TENM3: variants seen among roughly 807,000 people sequenced by gnomAD.
TENM3 encodes teneurin transmembrane protein 3.
A neutral mutation model predicts 255.1 loss-of-function variants in TENM3; 63 were observed. The ratio of observed to expected loss-of-function variants is 0.25; its 90% CI spans 0.20 to 0.30. TENM3 has a LOEUF of 0.30. Among genes scored for constraint, TENM3 ranks in the 10% least tolerant of loss-of-function variants. TENM3 has a pLI of 1.00. For missense variants in TENM3, 2,929 were observed against 3,461.1 expected (o/e 0.85, Z 3.86); for synonymous variants, 1,306 against 1,322.3 (o/e 0.99, Z 0.27).
chr4:182,489,723 G>A (rs1735097225), intron 3 of TENM3, among the ~76,000 whole-genome samples: 1 of 151,866 alleles, frequency 6.6e-6, no homozygotes, highest in Non-Finnish European at 1.5e-5. Flanking sequence ...GCAAAACATT[G>A]CCTATTTCTT....
At position 182,270,662 on chromosome 4, in the gene TENM3, G is replaced by C. The variant is rs561352018; in HGVS notation, c.-76+27186G>C. On this transcript the variant is annotated intron_variant, in intron 1 of 27. Transcript: ENST00000511685. ...GGTTTACAAAATAAAGAAAGAAAGA[G>C]CATGGGGGACCAAGATAGAAGGACA... Among the ~76,000 whole-genome samples the C allele has an allele frequency of 2.6e-5, 4 of 152,242 alleles. No homozygotes were observed. In the South Asian group the frequency reaches 8.3e-4, roughly 32 times the overall value.
the TENM3 span, among the ~76,000 whole-genome samples, chr4:181,459,886 T>G: frequency 6.6e-6 from 1 of 151,982 alleles, no homozygotes; most frequent in African/African-American, 2.4e-5. Context: ...CATTAAAATA[T>G]AAATCAATCT....
chr4:182,124,987 C>T, the TENM3 span, among the ~76,000 whole-genome samples: 1 of 131,908 alleles, frequency 7.6e-6, no homozygotes, highest in Non-Finnish European at 1.6e-5. Context: ...AGCGCATCCA[C>T]GCTGTGTGTG....
chr4:182,403,022 A>G (rs1220913387), intron 3 of TENM3, among the ~76,000 whole-genome samples: 2 of 152,232 alleles, frequency 1.3e-5, no homozygotes, highest in African/African-American at 4.8e-5. Context: ...TTATTTCAAA[A>G]TTATTTTTAG....
chr4:182,267,905 G>A (rs987050894), intron 1 of TENM3, among the ~76,000 whole-genome samples: 13 of 152,252 alleles, frequency 8.5e-5, no homozygotes, highest in African/African-American at 3.1e-4. Context: ...AGTCTCATCA[G>A]TTGTTTTTAA....
chr4:182,136,975 TC>T, the TENM3 span, among the ~76,000 whole-genome samples: 10 of 151,692 alleles, frequency 6.6e-5, no homozygotes, highest in East Asian at 1.4e-3. Flanking sequence ...CCAGTCAGCA[TC>T]CCCCCCCACC....
At chr4:182,416,117 A>G (rs922127277) in intron 3 of TENM3, among the ~76,000 whole-genome samples, 4 of 152,224 alleles carry the variant, frequency 2.6e-5, no homozygotes, top group African/African-American at 9.6e-5. Flanking sequence ...TTTGAATAAT[A>G]TGGGAAATGG....
At chr4:182,428,555 G>C (rs1446216147) in intron 3 of TENM3, among the ~76,000 whole-genome samples, 2 of 151,512 alleles carry the variant, frequency 1.3e-5, no homozygotes, top group Non-Finnish European at 2.9e-5. Flanking sequence ...GGAGTTCTTT[G>C]GTCAGCTATT....
the TENM3 span, among the ~76,000 whole-genome samples, chr4:181,536,119 TTAGCAC>T: frequency 6.6e-6 from 1 of 152,224 alleles, no homozygotes; most frequent in Admixed American, 6.5e-5. Context: ...TCCCATATGC[TTAGCAC>T]AACTTCTGGT....
intron 3 of TENM3, among the ~76,000 whole-genome samples, chr4:182,493,072 AAATGCATTCTT>A (rs1180253581): frequency 6.6e-6 from 1 of 152,134 alleles, no homozygotes; most frequent in East Asian, 1.9e-4. Context: ...AAGGAAAGAA[AAATGCATTCTT>A]ATATAAACTT....
At chr4:181,986,607 G>T in the TENM3 span, among the ~76,000 whole-genome samples, 1 of 151,912 alleles carries the variant, frequency 6.6e-6, no homozygotes, top group African/African-American at 2.4e-5. Context: ...AGCGTTGTGG[G>T]ATGTTGGTTC....
chr4:182,106,383 C>T, the TENM3 span, among the ~76,000 whole-genome samples: 5 of 152,190 alleles, frequency 3.3e-5, no homozygotes, highest in Non-Finnish European at 7.3e-5. Flanking sequence ...ATCACTTGAG[C>T]CCGGAAGTCA....
chr4:182,447,440 C>G (rs545585003), intron 3 of TENM3, among the ~76,000 whole-genome samples: 14 of 152,130 alleles, frequency 9.2e-5, no homozygotes, highest in African/African-American at 2.9e-4. Flanking sequence ...GTATAAAAAG[C>G]GACAAAAGTC....
the TENM3 span, among the ~76,000 whole-genome samples, chr4:181,937,412 C>G: frequency 6.6e-6 from 1 of 152,138 alleles, no homozygotes; most frequent in Admixed American, 6.6e-5. Flanking sequence ...TGATTCCTAG[C>G]GAGGGAAGAA....
intron 1 of TENM3, among the ~76,000 whole-genome samples, chr4:182,168,410 C>T (rs1257453907): frequency 6.6e-6 from 1 of 152,140 alleles, no homozygotes; most frequent in Non-Finnish European, 1.5e-5. Flanking sequence ...GTTGGGATTA[C>T]AGGCATGAGC....
the TENM3 span, among the ~76,000 whole-genome samples, chr4:181,669,238 A>G: frequency 6.6e-6 from 1 of 152,214 alleles, no homozygotes; most frequent in Admixed American, 6.5e-5. Context: ...CTGTAAATTC[A>G]TTACATACTA....
At chr4:182,308,515 T>A (rs1165491643) in intron 1 of TENM3, among the ~76,000 whole-genome samples, 1 of 151,882 alleles carries the variant, frequency 6.6e-6, no homozygotes, top group East Asian at 1.9e-4. Flanking sequence ...CAAAAAAACT[T>A]GTTTTGTAGA....
the TENM3 span, among the ~76,000 whole-genome samples, chr4:181,490,207 A>C: frequency 6.6e-6 from 1 of 152,188 alleles, no homozygotes; most frequent in East Asian, 1.9e-4. Context: ...GAAATATATA[A>C]CACATTATTA....
At chr4:182,012,262 C>T in the TENM3 span, among the ~76,000 whole-genome samples, 4,184 of 152,260 alleles carry the variant, frequency 0.027, 173 homozygotes, top group African/African-American at 0.095. Context: ...CCTTTCTAGT[C>T]CAGAACTCAC....
Sources: gnomAD v4.1 joint callset for allele counts (sites outside exome capture counted in the v4.1 genomes callset) on GRCh38, gnomAD v4.1.1 for gene constraint, MANE v1.5 for transcripts, NCBI Gene and HGNC (gene_info 2026-07-23, HGNC 2026-07-21) for gene names.